The following RPTOR variants were observed in gnomAD, a reference collection of about 807,000 sequenced individuals.
RPTOR encodes the protein regulatory-associated protein of mTOR.
Under a neutral mutation model 169.9 loss-of-function variants are expected in RPTOR, and 21 were observed. The observed-to-expected ratio is 0.12, with a 90% CI of 0.09 to 0.18. The LOEUF (loss-of-function observed/expected upper bound fraction) is 0.18. Ranked by LOEUF, RPTOR falls within the 10% of genes least tolerant of loss-of-function variation. The probability of loss-of-function intolerance (pLI) is 1.00; values close to 1 mark genes in which losing one functional copy is unlikely to be tolerated. For synonymous variants in RPTOR, 732 were observed against 753.2 expected, an observed-to-expected ratio of 0.97 and a Z score of 0.46; for missense variants, 1,133 against 1,855.9, an observed-to-expected ratio of 0.61 and a Z score of 7.16.
rs2069320613 is a variant in RPTOR, at chr17:80,960,383, C to A, written c.3605+178C>A. ...GGCTCCCCAAAGCCGCCAGGCCCGTCCCACTGAGGCCCATCCCACAAAGGT... is the reference window on the plus strand; with the variant it reads ...GGCTCCCCAAAGCCGCCAGGCCCGTACCACTGAGGCCCATCCCACAAAGGT... On this transcript the variant is annotated intron_variant, in intron 30 of 33. Transcript: ENST00000306801. This position sits in a 1 kb window ranked among gnomAD's most constrained non-coding sequence, Gnocchi z 4.8. Among the ~76,000 whole-genome samples, 1 of 152,250 alleles carries A rather than the reference C, an allele frequency of 6.6e-6. No homozygotes were observed. The highest frequency in any genetic ancestry group is 1.9e-4 in the East Asian group (1 of 5,200).
At chr17:80,732,317 C>T (rs1026610123) in intron 5 of RPTOR, among the ~76,000 whole-genome samples, 1 of 152,052 alleles carries the variant, frequency 6.6e-6, no homozygotes, top group African/African-American at 2.4e-5. Flanking sequence ...AATAGAGACC[C>T]GCTCCCCTTT....
In RPTOR at chr17:80,738,984, CT is replaced by C. The variant is rs57369680; in HGVS notation, c.654+8286del. On this transcript the variant is annotated intron_variant, in intron 5 of 33. Transcript: ENST00000306801. ...TTCCCAAAAATTCTTAGAGTTTAAC[CT>C]TTTTTTTGTTTCTAATTTCATCTAT... 1.1e-3 allele frequency among the ~76,000 whole-genome samples: 164 copies of C among 151,932 alleles called. 2 individuals carry two copies. Among genetic ancestry groups the C allele is most frequent in the African/African-American group, 3.7e-3 (153 of 41,428 alleles).
At chr17:80,608,468 T>A (rs1274785469) in intron 1 of RPTOR, among the ~76,000 whole-genome samples, 2 of 152,226 alleles carry the variant, frequency 1.3e-5, no homozygotes, top group Middle Eastern at 3.2e-3. Flanking sequence ...TAGAGGTTTG[T>A]CACCGATAAT....
chr17:80,740,298 G>T (rs1371655721), intron 5 of RPTOR, among the ~76,000 whole-genome samples: 2 of 152,170 alleles, frequency 1.3e-5, no homozygotes, highest in Non-Finnish European at 2.9e-5. Flanking sequence ...ACATAAATCT[G>T]CAGGCATACA....
At position 80,730,056 on chromosome 17, in the gene RPTOR, G is replaced by A. The variant is rs1453867632; in HGVS notation, c.508-504G>A. Among the ~76,000 whole-genome samples the A allele has an allele frequency of 6.6e-6, 1 of 152,206 alleles. No individual in the cohort carries two copies. Among genetic ancestry groups the A allele is most frequent in the Non-Finnish European group, 1.5e-5 (1 of 68,036 alleles). On this transcript the variant is annotated intron_variant, in intron 4 of 33. Coordinates refer to ENST00000306801, the MANE Select transcript of RPTOR (RefSeq NM_020761.3). The surrounding 1 kb of genome is among the most constrained non-coding windows in gnomAD (Gnocchi z 4.2). ...GATGACTTTGGCAGCCACCTGGTGTGGGCGCTACTGGAGTAAAGCAGCATC... is the reference window on the plus strand; with the variant it reads ...GATGACTTTGGCAGCCACCTGGTGTAGGCGCTACTGGAGTAAAGCAGCATC...
Position 80,844,930 on chromosome 17 carries a change from A to G in RPTOR, c.1213-1543A>G, listed in dbSNP as rs1027686713. ...CCTTCCCCCCGAGCAAAATCAAACA[A>G]CGTAGGGAAGAGAGGATAGTGGATG... On this transcript the variant is annotated intron_variant, in intron 10 of 33. Transcript: ENST00000306801. The surrounding 1 kb of genome is among the most constrained non-coding windows in gnomAD (Gnocchi z 4.7). 6.6e-6 allele frequency among the ~76,000 whole-genome samples: 1 copy of G among 150,634 alleles called. No individual in the cohort carries two copies. Among genetic ancestry groups the G allele is most frequent in the Non-Finnish European group, 1.5e-5 (1 of 67,752 alleles).
intron 1 of RPTOR, among the ~76,000 whole-genome samples, chr17:80,554,967 T>C (rs190982914): frequency 6.6e-6 from 1 of 152,316 alleles, no homozygotes; most frequent in Admixed American, 6.5e-5. Flanking sequence ...AATTCATAAA[T>C]ATATCAATTA....
rs375297522 is a variant in RPTOR, at chr17:80,857,771, C to T, written c.1399-19C>T. ...CCTTGCTGCGGCACAGGTGCGCTGA[C>T]GCCCTCCCTCGCCCCCAGGCCTTGT... On this transcript the variant is annotated intron_variant, in intron 12 of 33. Transcript: ENST00000306801. 8.1e-5 allele frequency: 128 copies of T among 1,584,492 alleles called. No individual in the cohort carries two copies. Among genetic ancestry groups the T allele is most frequent in the Middle Eastern group, 1.7e-4 (1 of 5,988 alleles).
At chr17:80,830,890 A>G (rs998576590) in intron 9 of RPTOR, among the ~76,000 whole-genome samples, 2 of 152,054 alleles carry the variant, frequency 1.3e-5, no homozygotes, top group African/African-American at 4.8e-5. Context: ...AGCTGGGACT[A>G]CAGGCACACG....
chr17:80,938,343 A>G (rs2068979919), intron 24 of RPTOR, among the ~76,000 whole-genome samples: 1 of 152,136 alleles, frequency 6.6e-6, no homozygotes, highest in East Asian at 1.9e-4. Context: ...TGGAATTCCC[A>G]TCAGTTCCTC....
chr17:80,619,489 G>A (rs559839935), intron 1 of RPTOR, among the ~76,000 whole-genome samples: 3 of 152,324 alleles, frequency 2.0e-5, no homozygotes, highest in East Asian at 3.9e-4. Context: ...TTTGGGAGGT[G>A]ACAGGCGTTA....
chr17:80,930,257 CCAGCTCATCCT>C (rs2068866555), intron 24 of RPTOR, among the ~76,000 whole-genome samples: 2 of 48,162 alleles, frequency 4.2e-5, no homozygotes, highest in Admixed American at 2.4e-4. Context: ...CAGCTCATCC[CCAGCTCATCCT>C]CAGCTCATCC....
intron 9 of RPTOR, among the ~76,000 whole-genome samples, chr17:80,829,346 G>A (rs1023853751): frequency 3.9e-5 from 6 of 152,206 alleles, no homozygotes; most frequent in Non-Finnish European, 4.4e-5. Flanking sequence ...GTAGGGCAGC[G>A]CCCGGGCTGT....
intron 10 of RPTOR, among the ~76,000 whole-genome samples, chr17:80,843,583 G>A (rs903237329): frequency 5.9e-5 from 9 of 152,088 alleles, no homozygotes; most frequent in South Asian, 2.1e-4. Context: ...CTACAGAGCC[G>A]TACAGGGGGG....
chr17:80,750,976 TTTATTA>T (rs757087293), intron 5 of RPTOR, among the ~76,000 whole-genome samples: 1 of 152,326 alleles, frequency 6.6e-6, no homozygotes, highest in African/African-American at 2.4e-5. Context: ...TTAAATTATA[TTTATTA>T]TTAAGTATAT....
intron 13 of RPTOR, among the ~76,000 whole-genome samples, chr17:80,858,524 G>A (rs2067881158): frequency 6.6e-6 from 1 of 152,250 alleles, no homozygotes; most frequent in South Asian, 2.1e-4. Context: ...AAGGTCAGCT[G>A]TCCCTGTCCC....
intron 9 of RPTOR, among the ~76,000 whole-genome samples, chr17:80,827,829 T>C (rs2067461237): frequency 6.6e-6 from 1 of 152,228 alleles, no homozygotes; most frequent in African/African-American, 2.4e-5. Flanking sequence ...TGTTGGGCTT[T>C]ACAATTGTTA....
chr17:80,921,926 G>T (rs1026968322), intron 21 of RPTOR, among the ~76,000 whole-genome samples: 35 of 152,312 alleles, frequency 2.3e-4, no homozygotes, highest in African/African-American at 7.9e-4. Flanking sequence ...ACCTGCGTGC[G>T]CCCGTGGGAA....
At chr17:80,849,579 G>A (rs1023669000) in intron 11 of RPTOR, among the ~76,000 whole-genome samples, 1 of 152,160 alleles carries the variant, frequency 6.6e-6, no homozygotes, top group African/African-American at 2.4e-5. Flanking sequence ...GAGTGCAGTG[G>A]CGCGGTCTCA....
Sources: allele counts gnomAD v4.1 joint callset (sites outside exome capture counted in the v4.1 genomes callset), GRCh38; gene constraint gnomAD v4.1.1; non-coding constraint Gnocchi (gnomAD v3.1); transcripts MANE v1.5; gene names NCBI Gene and HGNC (gene_info 2026-07-23, HGNC 2026-07-21).